APBB1IP: variants seen among roughly 807,000 people sequenced by gnomAD.
The protein encoded by APBB1IP is amyloid beta precursor protein binding family B member 1 interacting protein, also known as amyloid beta A4 precursor protein-binding family B member 1-interacting protein.
Under a neutral mutation model 64.9 loss-of-function variants are expected in APBB1IP, and 27 were observed. That is an observed-to-expected ratio of 0.42 (90% CI 0.31 to 0.57). The LOEUF (loss-of-function observed/expected upper bound fraction) is 0.57, where lower values mean the gene tolerates loss of function less well. Among genes scored for constraint, APBB1IP ranks in the 20% least tolerant of loss-of-function variants. The probability of loss-of-function intolerance (pLI) is 0.20; values close to 1 mark genes in which losing one functional copy is unlikely to be tolerated. For synonymous variants in APBB1IP, 392 were observed against 331.0 expected, an observed-to-expected ratio of 1.18 and a Z score of -2.00; for missense variants, 812 against 845.5, an observed-to-expected ratio of 0.96 and a Z score of 0.49.
chr10:26,464,637 G>T (rs903239501), intron 2 of APBB1IP, among the ~76,000 whole-genome samples: 2 of 152,080 alleles, frequency 1.3e-5, no homozygotes, highest in Non-Finnish European at 2.9e-5. Flanking sequence ...TCAAACTCCT[G>T]GCCTCAAGAG....
At chr10:26,502,273 T>C (rs974799347) in intron 5 of APBB1IP, among the ~76,000 whole-genome samples, 7 of 152,344 alleles carry the variant, frequency 4.6e-5, no homozygotes, top group Middle Eastern at 6.8e-3. Context: ...GCTCATAAAA[T>C]ACTTCACTCA....
At chr10:26,497,424 G>A (rs539449919) in intron 4 of APBB1IP, among the ~76,000 whole-genome samples, 5 of 151,900 alleles carry the variant, frequency 3.3e-5, no homozygotes, top group African/African-American at 1.2e-4. Context: ...GGTGGCAGGT[G>A]CCTGTAGTCC....
In APBB1IP at chr10:26,497,253, A is replaced by G. The variant is rs1271672920; in HGVS notation, c.160+862A>G. On this transcript the variant is annotated intron_variant, in intron 4 of 14. Transcript: ENST00000376236. The stretch of plus-strand genomic sequence containing the variant: ...CATCTTTAGGCCACGTGCTATTCAT[A>G]TTATAATAAGTCTTGAGGCCAGGCG... 2.6e-5 allele frequency among the ~76,000 whole-genome samples: 4 copies of G among 152,118 alleles called. No individual in the cohort carries two copies. The East Asian group carries it at 7.7e-4, about 29-fold the overall frequency.
intron 3 of APBB1IP, among the ~76,000 whole-genome samples, chr10:26,495,372 T>TC (rs1287506452): frequency 9.5e-6 from 1 of 104,714 alleles, no homozygotes; most frequent in African/African-American, 3.8e-5. Flanking sequence ...ACGTGTGTGG[T>TC]CTCTCTGTAC....
chr10:26,527,945 G>A (rs188107384), intron 8 of APBB1IP, among the ~76,000 whole-genome samples: 2 of 152,198 alleles, frequency 1.3e-5, no homozygotes, highest in Admixed American at 6.5e-5. Context: ...AACAGCCTTG[G>A]CCTCTCAAAA....
intron 3 of APBB1IP, among the ~76,000 whole-genome samples, chr10:26,495,239 GT>G (rs1321078551): frequency 6.6e-6 from 1 of 151,588 alleles, no homozygotes; most frequent in Non-Finnish European, 1.5e-5. Flanking sequence ...ATCTCCTGAT[GT>G]TGTGATCTGC....
At chr10:26,490,674 C>G (rs1835944532) in intron 2 of APBB1IP, among the ~76,000 whole-genome samples, 1 of 152,072 alleles carries the variant, frequency 6.6e-6, no homozygotes, top group Non-Finnish European at 1.5e-5. Flanking sequence ...GCACTGCATT[C>G]TGAAATATTT....
Position 26,511,824 on chromosome 10 carries a change from T to C in APBB1IP, c.609T>C (p.Val203=), listed in dbSNP as rs768194960. Residue 203 remains valine (V), a synonymous_variant, in exon 7 of 15, where the codon GTT becomes GTC. Coordinates refer to ENST00000376236, the MANE Select transcript of APBB1IP (RefSeq NM_019043.4). ...MVDERQLARD[V]LDNLFEKTHC... ...ATGAGCGGCAGCTGGCCCGAGATGT[T>C]CTGGACAACCTTTTCGAGAAAACTC... 6.2e-7 allele frequency: 1 copy of C among 1,614,172 alleles called. No individual in the cohort carries two copies.
At chr10:26,502,217 T>G (rs1442461141) in intron 5 of APBB1IP, among the ~76,000 whole-genome samples, 1 of 152,232 alleles carries the variant, frequency 6.6e-6, no homozygotes. Flanking sequence ...TCCTCAACAT[T>G]ATAAATAGAA....
At chr10:26,556,431 G>A (rs577524580) in intron 11 of APBB1IP, among the ~76,000 whole-genome samples, 4 of 152,284 alleles carry the variant, frequency 2.6e-5, no homozygotes, top group African/African-American at 9.6e-5. Context: ...AGAGACCTTA[G>A]AGGTCATAGA....
intron 2 of APBB1IP, among the ~76,000 whole-genome samples, chr10:26,448,557 TA>T (rs1835427090): frequency 6.6e-6 from 1 of 152,234 alleles, no homozygotes; most frequent in Admixed American, 6.5e-5. Flanking sequence ...GAAAGGAGGA[TA>T]TTAGGTGAAT....
intron 2 of APBB1IP, among the ~76,000 whole-genome samples, chr10:26,452,577 A>G (rs1835476737): frequency 6.6e-6 from 1 of 152,228 alleles, no homozygotes; most frequent in African/African-American, 2.4e-5. Flanking sequence ...AATTGGAATC[A>G]TGTCACTATC....
At chr10:26,495,274 GGGATTACAGGTGTGAGCCAAT>G (rs1300756301) in intron 3 of APBB1IP, among the ~76,000 whole-genome samples, 1 of 151,888 alleles carries the variant, frequency 6.6e-6, no homozygotes, top group Non-Finnish European at 1.5e-5. Flanking sequence ...CCAAAGTGCT[GGGATTACAGGTGTGAGCCAAT>G]GGCAACCACA....
rs999159372 is a variant in APBB1IP at position 26,493,568 on chromosome 10, C to T, written c.72+1170C>T. ...TCCCTCCATTCGGGGTCCCTGACTT[C>T]CCGCAACACCCTGAAGATTGGCAAC... is the stretch of plus-strand genomic sequence containing the variant. On this transcript the variant is annotated intron_variant, in intron 3 of 14. Coordinates refer to ENST00000376236, the MANE Select transcript of APBB1IP (RefSeq NM_019043.4). 1.2e-4 allele frequency among the ~76,000 whole-genome samples: 18 copies of T among 152,282 alleles called. 1 individual carries two copies. The highest frequency in any genetic ancestry group is 3.8e-4 in the African/African-American group (16 of 41,564).
intron 2 of APBB1IP, among the ~76,000 whole-genome samples, chr10:26,463,305 T>C (rs1835614375): frequency 6.6e-6 from 1 of 152,146 alleles, no homozygotes; most frequent in Non-Finnish European, 1.5e-5. Flanking sequence ...CTGGGGATAG[T>C]GTCACACACT....
chr10:26,477,697 C>G (rs577943895), intron 2 of APBB1IP, among the ~76,000 whole-genome samples: 5 of 152,300 alleles, frequency 3.3e-5, no homozygotes, highest in Admixed American at 1.3e-4. Context: ...AACACGGCCT[C>G]GACTCCTGCC....
intron 2 of APBB1IP, among the ~76,000 whole-genome samples, chr10:26,465,271 C>T (rs1455368876): frequency 6.6e-6 from 1 of 152,212 alleles, no homozygotes; most frequent in Non-Finnish European, 1.5e-5. Context: ...CAGATGTCCA[C>T]TGAATTGACA....
intron 2 of APBB1IP, among the ~76,000 whole-genome samples, chr10:26,460,709 T>TA (rs1015420782): frequency 9.2e-5 from 14 of 152,180 alleles, no homozygotes; most frequent in African/African-American, 3.4e-4. Context: ...AACGGAAAAC[T>TA]ACACACTGCA....
rs191339322 is a variant in APBB1IP at position 26,531,469 on chromosome 10, C to T, written c.814-1970C>T. Among the ~76,000 whole-genome samples the T allele has an allele frequency of 2.2e-3, 340 of 152,236 alleles. 1 individual carries two copies. The highest frequency in any genetic ancestry group is 4.4e-3 in the Non-Finnish European group (302 of 68,020). ...GATCACGAGGTCAGGAGATCGAGAC[C>T]ATCCTGGCTAACATGGTGAAACCCC... On this transcript the variant is annotated intron_variant, in intron 8 of 14. Transcript: ENST00000376236.
Sources: allele counts gnomAD v4.1 joint callset (sites outside exome capture counted in the v4.1 genomes callset), GRCh38; gene constraint gnomAD v4.1.1; transcripts MANE v1.5; gene names NCBI Gene and HGNC (gene_info 2026-07-23, HGNC 2026-07-21).